Variants in RARB observed in about 807,000 individuals in gnomAD.
The protein encoded by RARB is HBV-activated protein.
A neutral mutation model predicts 51.9 loss-of-function variants in RARB; 17 were observed. The ratio of observed to expected loss-of-function variants is 0.33; its 90% CI spans 0.22 to 0.49. The LOEUF (loss-of-function observed/expected upper bound fraction) is 0.49, where lower values mean the gene tolerates loss of function less well. Ranked by LOEUF, RARB falls within the 20% of genes least tolerant of loss-of-function variation. The pLI is 0.99. For missense variants in RARB, 369 were observed against 550.8 expected, an observed-to-expected ratio of 0.67 and a Z score of 3.30; for synonymous variants, 215 against 195.4, an observed-to-expected ratio of 1.10 and a Z score of -0.84.
chr3:24,986,385 T>G (rs1451964865), intron 2 of RARB, among the ~76,000 whole-genome samples: 1 of 152,184 alleles, frequency 6.6e-6, no homozygotes, highest in Admixed American at 6.5e-5. Context: ...CAGACATAGA[T>G]TAAAGATCTG....
chr3:24,834,479 G>A (rs1413461097), intron 1 of RARB, among the ~76,000 whole-genome samples: 1 of 152,132 alleles, frequency 6.6e-6, no homozygotes, highest in Non-Finnish European at 1.5e-5. Flanking sequence ...TGAGTGAGAA[G>A]TATCATCAAT....
chr3:25,511,293 C>A (rs967408911), intron 3 of RARB, among the ~76,000 whole-genome samples: 2 of 151,998 alleles, frequency 1.3e-5, no homozygotes, highest in African/African-American at 2.4e-5. Context: ...CCACCACGCT[C>A]GGCTAATTTT....
At chr3:25,508,765 A>G (rs1040418369) in intron 3 of RARB, among the ~76,000 whole-genome samples, 2 of 152,016 alleles carry the variant, frequency 1.3e-5, no homozygotes, top group East Asian at 1.9e-4. Context: ...GAGCCCCCCA[A>G]AAGTAAGTGA....
At chr3:25,153,567 A>G (rs989990527) in intron 4 of RARB, among the ~76,000 whole-genome samples, 2 of 152,200 alleles carry the variant, frequency 1.3e-5, no homozygotes, top group African/African-American at 4.8e-5. Context: ...CCAATATAAA[A>G]CAGTAATAAG....
At chr3:25,199,861 T>C (rs1416627621) in intron 5 of RARB, among the ~76,000 whole-genome samples, 2 of 152,190 alleles carry the variant, frequency 1.3e-5, no homozygotes, top group East Asian at 3.8e-4. Flanking sequence ...GACATTCAGG[T>C]TGGTTCCAAG....
At chr3:25,368,733 A>G (rs1706210065) in intron 5 of RARB, among the ~76,000 whole-genome samples, 1 of 152,206 alleles carries the variant, frequency 6.6e-6, no homozygotes, top group Admixed American at 6.5e-5. Context: ...CATTACATCT[A>G]AATGAAATTT....
intron 1 of RARB, among the ~76,000 whole-genome samples, chr3:25,434,640 C>T (rs1708355027): frequency 6.7e-6 from 1 of 149,214 alleles, no homozygotes; most frequent in African/African-American, 2.5e-5. Flanking sequence ...CTCCCAGATT[C>T]AAGTGATTCT....
chr3:25,294,749 T>C (rs1656878), intron 5 of RARB, among the ~76,000 whole-genome samples: 60,498 of 151,808 alleles, frequency 0.4, 12,920 homozygotes, highest in African/African-American at 0.52. Flanking sequence ...CATTTGGCAA[T>C]GTATTCGTGG....
chr3:25,009,162 T>G (rs1223706396), intron 2 of RARB, among the ~76,000 whole-genome samples: 7 of 152,088 alleles, frequency 4.6e-5, no homozygotes, highest in Non-Finnish European at 1.0e-4. Context: ...GTCACTTAAT[T>G]CTGGACATTT....
chr3:25,144,021 C>A (rs1700150293), intron 4 of RARB, among the ~76,000 whole-genome samples: 1 of 152,072 alleles, frequency 6.6e-6, no homozygotes, highest in Admixed American at 6.6e-5. Flanking sequence ...AGTCAAAGGC[C>A]CCAGAACAAA....
chr3:25,298,776 A>G (rs1703974665), intron 5 of RARB, among the ~76,000 whole-genome samples: 1 of 152,170 alleles, frequency 6.6e-6, no homozygotes, highest in Non-Finnish European at 1.5e-5. Flanking sequence ...GGGATTTCTA[A>G]TAACTTACGT....
intron 3 of RARB, among the ~76,000 whole-genome samples, chr3:25,504,141 C>T (rs923493096): frequency 2.6e-5 from 4 of 152,336 alleles, no homozygotes; most frequent in South Asian, 2.1e-4. Flanking sequence ...CACAACTCTA[C>T]GCATGTCACT....
chr3:25,006,564 A>AT (rs1251113205), intron 2 of RARB, among the ~76,000 whole-genome samples: 1 of 152,126 alleles, frequency 6.6e-6, no homozygotes, highest in African/African-American at 2.4e-5. Flanking sequence ...TGCAAACTTC[A>AT]TTTTTTTGAG....
chr3:25,257,825 A>T (rs528893086), intron 5 of RARB, among the ~76,000 whole-genome samples: 2 of 152,104 alleles, frequency 1.3e-5, no homozygotes, highest in East Asian at 3.9e-4. Flanking sequence ...TTTGTTACCT[A>T]GTCCTTTAAA....
intron 2 of RARB, among the ~76,000 whole-genome samples, chr3:24,876,270 A>G (rs1350702049): frequency 6.6e-6 from 1 of 152,146 alleles, no homozygotes; most frequent in Non-Finnish European, 1.5e-5. Context: ...CGAACTTTGA[A>G]CTGCTAATTT....
At chr3:25,185,548 T>G (rs1486473749) in intron 5 of RARB, among the ~76,000 whole-genome samples, 1 of 152,152 alleles carries the variant, frequency 6.6e-6, no homozygotes, top group Non-Finnish European at 1.5e-5. Context: ...TGACATTTCA[T>G]ACAAGTGAAT....
intron 2 of RARB, among the ~76,000 whole-genome samples, chr3:24,919,982 C>T (rs879747550): frequency 6.6e-6 from 1 of 152,160 alleles, no homozygotes; most frequent in Non-Finnish European, 1.5e-5. Context: ...GTAATAACCT[C>T]GCTGGACACT....
intron 2 of RARB, among the ~76,000 whole-genome samples, chr3:24,906,534 C>T (rs1454967136): frequency 6.6e-6 from 1 of 152,088 alleles, no homozygotes; most frequent in East Asian, 1.9e-4. Flanking sequence ...CTCTAATCTT[C>T]AAGATTCCTA....
intron 2 of RARB, among the ~76,000 whole-genome samples, chr3:24,923,927 T>C (rs768138162): frequency 6.6e-5 from 10 of 152,268 alleles, no homozygotes; most frequent in Non-Finnish European, 1.3e-4. Flanking sequence ...TTCTTAGATA[T>C]TTCAACAGAA....
Sources: allele counts gnomAD v4.1 joint callset (sites outside exome capture counted in the v4.1 genomes callset), GRCh38; gene constraint gnomAD v4.1.1; transcripts MANE v1.5; gene names NCBI Gene and HGNC (gene_info 2026-07-23, HGNC 2026-07-21).